The following LRRTM4 variants were observed in gnomAD, a reference collection of about 807,000 sequenced individuals.
The protein encoded by LRRTM4 is leucine rich repeat transmembrane neuronal 4.
Under a neutral mutation model 47.6 loss-of-function variants are expected in LRRTM4, and 25 were observed. The ratio of observed to expected loss-of-function variants is 0.53; its 90% CI spans 0.38 to 0.73. LRRTM4 has a LOEUF of 0.73. Among genes scored for constraint, LRRTM4 ranks in the 30% least tolerant of loss-of-function variants. The probability of loss-of-function intolerance (pLI) is 0.00; values close to 1 mark genes in which losing one functional copy is unlikely to be tolerated. For synonymous variants in LRRTM4, 311 were observed against 269.5 expected, an observed-to-expected ratio of 1.15 and a Z score of -1.51; for missense variants, 638 against 713.4, an observed-to-expected ratio of 0.89 and a Z score of 1.20.
At chr2:76,751,937 C>T (rs1247631806) in intron 3 of LRRTM4, among the ~76,000 whole-genome samples, 2 of 152,084 alleles carry the variant, frequency 1.3e-5, no homozygotes, top group East Asian at 3.8e-4. Context: ...CAAATTATTT[C>T]CAAATGGAAA....
intron 3 of LRRTM4, among the ~76,000 whole-genome samples, chr2:77,161,488 T>C (rs759412872): frequency 3.9e-5 from 6 of 152,210 alleles, no homozygotes; most frequent in Non-Finnish European, 8.8e-5. Flanking sequence ...TTTATAGTGA[T>C]ACTTGTTGTC....
At chr2:76,952,425 C>G (rs148688813) in intron 3 of LRRTM4, among the ~76,000 whole-genome samples, 4 of 151,918 alleles carry the variant, frequency 2.6e-5, no homozygotes, top group Middle Eastern at 3.4e-3. Context: ...GTGTAGCCAA[C>G]AAATATGAAA....
Position 76,794,601 on chromosome 2 carries a change from C to T in LRRTM4, c.1552-45685G>A, listed in dbSNP as rs117162106. On this transcript the variant is annotated intron_variant, in intron 3 of 3. Transcript: ENST00000409884. Reference sequence around the variant, plus strand: ...TGATTTTACTAACCAGGCACCTATACCATTTTCAAAAAGCAATAATTTTAT... The same window carrying T: ...TGATTTTACTAACCAGGCACCTATATCATTTTCAAAAAGCAATAATTTTAT... Among the ~76,000 whole-genome samples the T allele has an allele frequency of 1.4e-3, 210 of 152,228 alleles. 2 individuals are homozygous for T. The East Asian group carries it at 0.035, about 25-fold the overall frequency.
chr2:76,909,122 C>G (rs1181146200), intron 3 of LRRTM4, among the ~76,000 whole-genome samples: 1 of 152,178 alleles, frequency 6.6e-6, no homozygotes, highest in Non-Finnish European at 1.5e-5. Context: ...ACCAAAACAG[C>G]ATGGCACTGG....
At chr2:76,832,068 G>A (rs570070508) in intron 3 of LRRTM4, among the ~76,000 whole-genome samples, 1 of 152,134 alleles carries the variant, frequency 6.6e-6, no homozygotes, top group Non-Finnish European at 1.5e-5. Context: ...TTTTTTCCAT[G>A]TAAAGTAATT....
intron 3 of LRRTM4, among the ~76,000 whole-genome samples, chr2:77,501,853 T>C (rs1678580550): frequency 6.6e-6 from 1 of 151,042 alleles, no homozygotes; most frequent in Non-Finnish European, 1.5e-5. Flanking sequence ...ACATAAGAAA[T>C]TGCATGTGTC....
At chr2:77,150,078 G>T (rs1228343403) in intron 3 of LRRTM4, among the ~76,000 whole-genome samples, 1 of 152,034 alleles carries the variant, frequency 6.6e-6, no homozygotes, top group African/African-American at 2.4e-5. Flanking sequence ...GAATAGAAGA[G>T]CAAATACTTT....
chr2:77,055,999 A>ACTGT, intron 3 of LRRTM4, among the ~76,000 whole-genome samples: 1 of 138,374 alleles, frequency 7.2e-6, no homozygotes, highest in South Asian at 2.3e-4. Context: ...ATGAGAACAC[A>ACTGT]CGGACACAGG....
At chr2:77,040,410 A>G (rs1678987355) in intron 3 of LRRTM4, among the ~76,000 whole-genome samples, 1 of 151,374 alleles carries the variant, frequency 6.6e-6, no homozygotes. Flanking sequence ...ATAAGGTCAT[A>G]TCATATGAAG....
rs535033124 is a variant in LRRTM4, at chr2:76,763,001, A to G, written c.1552-14085T>C. Reference sequence around the variant, plus strand: ...GAGAGAACTAACTGGTTGTGCAAGTAGAGTCTCAGAAGATTGAGGAGAATA... The same window carrying G: ...GAGAGAACTAACTGGTTGTGCAAGTGGAGTCTCAGAAGATTGAGGAGAATA... On this transcript the variant is annotated intron_variant, in intron 3 of 3. Transcript: ENST00000409884. 3.9e-5 allele frequency among the ~76,000 whole-genome samples: 6 copies of G among 152,316 alleles called. No individual in the cohort carries two copies. In the South Asian group the frequency reaches 1.0e-3, roughly 26 times the overall value.
intron 3 of LRRTM4, among the ~76,000 whole-genome samples, chr2:77,226,278 G>C (rs1218138226): frequency 2.0e-5 from 3 of 151,462 alleles, no homozygotes; most frequent in East Asian, 3.9e-4. Context: ...TCCTGCTCTG[G>C]GTAAGATGAG....
intron 3 of LRRTM4, among the ~76,000 whole-genome samples, chr2:77,349,187 TAAAATTAATTA>T (rs1247406433): frequency 1.3e-5 from 2 of 152,004 alleles, no homozygotes; most frequent in Non-Finnish European, 2.9e-5. Flanking sequence ...GAAAAGCCAT[TAAAATTAATTA>T]TTGACTTTTG....
At chr2:77,317,028 T>C (rs540539009) in intron 3 of LRRTM4, among the ~76,000 whole-genome samples, 6 of 152,230 alleles carry the variant, frequency 3.9e-5, no homozygotes, top group Admixed American at 6.5e-5. Context: ...AATCAAATCA[T>C]AGAAAACAAA....
chr2:76,806,301 G>A (rs898450655), intron 3 of LRRTM4, among the ~76,000 whole-genome samples: 4 of 152,072 alleles, frequency 2.6e-5, no homozygotes, highest in South Asian at 2.1e-4. Context: ...AAATAAAACC[G>A]GCCCGTGCGG....
chr2:77,001,330 G>A (rs17334240), intron 3 of LRRTM4, among the ~76,000 whole-genome samples: 21,317 of 152,080 alleles, frequency 0.14, 1,603 homozygotes, highest in Admixed American at 0.2. Flanking sequence ...TTGAATAACT[G>A]ACAGGGGATC....
At chr2:77,243,756 C>T (rs1057156681) in intron 3 of LRRTM4, among the ~76,000 whole-genome samples, 3 of 125,238 alleles carry the variant, frequency 2.4e-5, no homozygotes, top group East Asian at 4.2e-4. Context: ...TACCATATCC[C>T]TTTTTTTTTC....
chr2:77,463,887 C>A (rs1187157153), intron 3 of LRRTM4, among the ~76,000 whole-genome samples: 1 of 152,078 alleles, frequency 6.6e-6, no homozygotes, highest in Non-Finnish European at 1.5e-5. Context: ...ACCAGCGCAC[C>A]ATTATACAAC....
At chr2:76,905,339 A>C (rs990163797) in intron 3 of LRRTM4, among the ~76,000 whole-genome samples, 2 of 152,142 alleles carry the variant, frequency 1.3e-5, no homozygotes, top group Non-Finnish European at 2.9e-5. Flanking sequence ...CCACACCAAA[A>C]TCCCATCTGT....
At chr2:77,233,129 A>T (rs747915501) in intron 3 of LRRTM4, among the ~76,000 whole-genome samples, 4 of 152,230 alleles carry the variant, frequency 2.6e-5, no homozygotes, top group Non-Finnish European at 5.9e-5. Flanking sequence ...GTCACAAATC[A>T]TATGACAAAT....
Sources: allele counts gnomAD v4.1 joint callset (sites outside exome capture counted in the v4.1 genomes callset), GRCh38; gene constraint gnomAD v4.1.1; transcripts MANE v1.5; gene names NCBI Gene and HGNC (gene_info 2026-07-23, HGNC 2026-07-21).